RSF1: variants seen among roughly 807,000 people sequenced by gnomAD.
RSF1 encodes remodeling and spacing factor 1, also known as HBV pX-associated protein 8.
Under a neutral mutation model 145.2 loss-of-function variants are expected in RSF1, and 13 were observed. That is an observed-to-expected ratio of 0.09 (90% confidence interval 0.06 to 0.14). The LOEUF is 0.14. Among genes scored for constraint, RSF1 ranks in the 10% least tolerant of loss-of-function variants. The pLI is 1.00. For missense variants in RSF1, 1,517 were observed against 1,718.2 expected (o/e 0.88, Z 2.07); for synonymous variants, 577 against 592.6 (o/e 0.97, Z 0.38).
At position 77,702,293 on chromosome 11, in the gene RSF1, A is replaced by G; in HGVS notation, c.936T>C (p.Ser312=). Residue 312 remains serine, a synonymous_variant, in exon 6 of 16, where the codon AGT becomes AGC. Coordinates refer to ENST00000308488, the MANE Select transcript of RSF1 (RefSeq NM_016578.4). ...GTTTGACATTTTCCTTGAAGGAATC[A>G]CTTTCTTCTTTGATAATCTTTTTTT... The part of the protein sequence containing the change: ...NEEKKIIKEE[S]DSFKENVKPI... The G allele has an allele frequency of 6.2e-7, 1 of 1,609,510 alleles. No homozygotes were observed. Among genetic ancestry groups the G allele is most frequent in the Admixed American group, 1.7e-5 (1 of 59,004 alleles).
chr11:77,690,644 C>A (rs577081233), intron 9 of RSF1, among the ~76,000 whole-genome samples: 1 of 152,162 alleles, frequency 6.6e-6, no homozygotes, highest in Non-Finnish European at 1.5e-5. Context: ...GTTGGCCAGG[C>A]TGACCTCAGG....
At chr11:77,738,386 A>G (rs1485744359) in intron 4 of RSF1, among the ~76,000 whole-genome samples, 1 of 152,218 alleles carries the variant, frequency 6.6e-6, no homozygotes, top group East Asian at 1.9e-4. Flanking sequence ...TAAAAATACA[A>G]ATTAAAACTA....
chr11:77,827,795 A>C, the RSF1 span, among the ~76,000 whole-genome samples: 1 of 152,234 alleles, frequency 6.6e-6, no homozygotes, highest in Non-Finnish European at 1.5e-5. Context: ...AAAAAATAAA[A>C]GGCATCCAGA....
intron 1 of RSF1, among the ~76,000 whole-genome samples, chr11:77,774,791 A>G (rs1467676699): frequency 2.1e-5 from 3 of 144,502 alleles, no homozygotes; most frequent in African/African-American, 7.7e-5. Context: ...TTTGAGACGG[A>G]CTCTTGCACT....
intron 10 of RSF1, 22 bp from the exon 11 acceptor site, chr11:77,683,841 C>G (rs767806759): frequency 1.3e-6 from 2 of 1,557,142 alleles, no homozygotes; most frequent in Non-Finnish European, 1.8e-6. Context: ...TGATAATAAG[C>G]ATAGAGGTTA....
At chr11:77,828,549 T>C in the RSF1 span, among the ~76,000 whole-genome samples, 2 of 151,334 alleles carry the variant, frequency 1.3e-5, no homozygotes, top group African/African-American at 2.4e-5. Flanking sequence ...TGGGCGCCTG[T>C]AGTCCCAGCT....
intron 4 of RSF1, among the ~76,000 whole-genome samples, chr11:77,737,619 GGGGTGTGTGTGTGT>G (rs1323942881): frequency 2.3e-4 from 24 of 102,382 alleles, no homozygotes; most frequent in East Asian, 1.9e-3. Context: ...TGTGTTTTGG[GGGGTGTGTGTGTGT>G]GTGTGTGTGT....
chr11:77,726,674 T>G (rs1313833933), intron 4 of RSF1, among the ~76,000 whole-genome samples: 1 of 152,180 alleles, frequency 6.6e-6, no homozygotes, highest in Non-Finnish European at 1.5e-5. Flanking sequence ...AGATTATTAA[T>G]TAGCACCAAG....
intron 4 of RSF1, among the ~76,000 whole-genome samples, chr11:77,726,625 G>C (rs1361155831): frequency 6.6e-6 from 1 of 152,056 alleles, no homozygotes; most frequent in African/African-American, 2.4e-5. Context: ...AGCAGGCCCT[G>C]GACTAAGAGT....
At chr11:77,708,330 G>C (rs150225722) in intron 5 of RSF1, among the ~76,000 whole-genome samples, 340 of 152,312 alleles carry the variant, frequency 2.2e-3, no homozygotes, top group African/African-American at 7.4e-3. Flanking sequence ...ACTAGAGGCT[G>C]AGGTGGGAGG....
At chr11:77,678,309 C>T (rs951083359) in intron 11 of RSF1, among the ~76,000 whole-genome samples, 156 bp from the exon 12 acceptor site, 1 of 151,772 alleles carries the variant, frequency 6.6e-6, no homozygotes, top group African/African-American at 2.4e-5. Flanking sequence ...CTCTGCCTCC[C>T]GGGTTCAAGG....
chr11:77,721,965 G>C (rs1960951030), intron 5 of RSF1, among the ~76,000 whole-genome samples: 1 of 152,150 alleles, frequency 6.6e-6, no homozygotes, highest in Non-Finnish European at 1.5e-5. Context: ...TTGAAGTCAG[G>C]AGTTCGAGAC....
At chr11:77,772,126 A>G (rs1948291799) in intron 1 of RSF1, among the ~76,000 whole-genome samples, 1 of 152,152 alleles carries the variant, frequency 6.6e-6, no homozygotes, top group East Asian at 1.9e-4. Context: ...ATGTACACAC[A>G]GACATTTAAT....
chr11:77,741,925 A>G (rs1173211826), intron 3 of RSF1, among the ~76,000 whole-genome samples: 2 of 152,192 alleles, frequency 1.3e-5, no homozygotes, highest in African/African-American at 2.4e-5. Context: ...TTCCACATTA[A>G]GTAATATCAT....
At chr11:77,715,816 G>A (rs889313878) in intron 5 of RSF1, among the ~76,000 whole-genome samples, 1 of 152,030 alleles carries the variant, frequency 6.6e-6, no homozygotes, top group African/African-American at 2.4e-5. Context: ...TCACTCTGTC[G>A]CACAGGCTGG....
Position 77,666,844 on chromosome 11 carries a change from C to T in RSF1, c.*73G>A. 1 of 1,275,574 alleles carries T rather than the reference C, an allele frequency of 7.8e-7. No individual in the cohort carries two copies. Among genetic ancestry groups the T allele is most frequent in the Non-Finnish European group, 1.1e-6 (1 of 940,804 alleles). 79.0% of individuals were successfully genotyped at this position (1,275,574 alleles called of 1,614,324 possible). A position where few individuals can be genotyped will look rare whatever the true frequency, so the allele number is the denominator to read the frequency against. ...GTGGAGTTTTCTAGGAAAAATTAAA[C>T]AGCTTTTAATAACTGGCCCGCTGGT... is the stretch of plus-strand genomic sequence containing the variant. On this transcript the variant is annotated 3_prime_UTR_variant, in exon 16 of 16. Coordinates refer to ENST00000308488, the MANE Select transcript of RSF1 (RefSeq NM_016578.4).
At chr11:77,712,170 G>A (rs1960702204) in intron 5 of RSF1, among the ~76,000 whole-genome samples, 1 of 152,206 alleles carries the variant, frequency 6.6e-6, no homozygotes, top group African/African-American at 2.4e-5. Flanking sequence ...GTCTAGGGCA[G>A]GGCCAGGTGG....
chr11:77,826,520 C>T, the RSF1 span, among the ~76,000 whole-genome samples: 13 of 152,242 alleles, frequency 8.5e-5, no homozygotes, highest in African/African-American at 2.9e-4. Flanking sequence ...CTTGTATGAA[C>T]CAGAAAGGCT....
intron 5 of RSF1, among the ~76,000 whole-genome samples, chr11:77,712,069 T>C (rs930014824): frequency 6.6e-6 from 1 of 152,234 alleles, no homozygotes; most frequent in African/African-American, 2.4e-5. Flanking sequence ...CGTTGTGCTT[T>C]GTATAAAGAG....
Sources: allele counts gnomAD v4.1 joint callset (sites outside exome capture counted in the v4.1 genomes callset), GRCh38; gene constraint gnomAD v4.1.1; transcripts MANE v1.5; gene names NCBI Gene and HGNC (gene_info 2026-07-23, HGNC 2026-07-21).